CNTNAP5: variants seen among roughly 807,000 people sequenced by gnomAD.
CNTNAP5 encodes the protein contactin associated protein family member 5, also known as contactin-associated protein-like 5.
CNTNAP5 carries 72 observed loss-of-function variants against 150.2 expected under a neutral mutation model. The ratio of observed to expected loss-of-function variants is 0.48; its 90% CI spans 0.40 to 0.58. CNTNAP5 has a LOEUF of 0.58. Ranked by LOEUF, CNTNAP5 falls within the 20% of genes least tolerant of loss-of-function variation. The pLI, the probability that CNTNAP5 is intolerant of heterozygous loss-of-function variation, is 0.00. For missense variants in CNTNAP5, 1,636 were observed against 1,626.2 expected (o/e 1.01, Z -0.10); for synonymous variants, 672 against 619.8 (o/e 1.08, Z -1.25).
chr2:124,114,351 A>C (rs1330995093), intron 1 of CNTNAP5, among the ~76,000 whole-genome samples: 1 of 151,970 alleles, frequency 6.6e-6, no homozygotes, highest in Non-Finnish European at 1.5e-5. Context: ...CTCTAGTTAC[A>C]TTTATTCTTA....
At chr2:124,695,268 C>T (rs1190563281) in intron 13 of CNTNAP5, among the ~76,000 whole-genome samples, 1 of 152,098 alleles carries the variant, frequency 6.6e-6, no homozygotes, top group East Asian at 1.9e-4. Flanking sequence ...CTTGCAGTTA[C>T]AATAGATATA....
chr2:124,340,149 G>A lies in CNTNAP5; in HGVS notation c.382-77294G>A, dbSNP rs1689575115. Among the ~76,000 whole-genome samples the A allele has an allele frequency of 5.3e-5, 8 of 152,094 alleles. No individual in the cohort carries two copies. In the South Asian group the frequency reaches 1.7e-3, roughly 32 times the overall value. On this transcript the variant is annotated intron_variant, in intron 3 of 23. Coordinates refer to ENST00000682447, the MANE Select transcript of CNTNAP5 (RefSeq NM_001367498.1). ...TATTTTTACAAAGGGAGATTAGTCT[G>A]GGGAAGGGCTATTATCAGCCTTGTT...
chr2:124,190,393 G>A (rs762158515), intron 1 of CNTNAP5, among the ~76,000 whole-genome samples: 1 of 152,242 alleles, frequency 6.6e-6, no homozygotes, highest in South Asian at 2.1e-4. Flanking sequence ...ATGAGTGCGT[G>A]AGTTTCCACT....
chr2:124,889,940 G>C (rs1678158695), intron 21 of CNTNAP5, among the ~76,000 whole-genome samples: 1 of 152,044 alleles, frequency 6.6e-6, no homozygotes, highest in Non-Finnish European at 1.5e-5. Flanking sequence ...CTGAGTTTTA[G>C]TCAACTGGCA....
At chr2:124,403,034 C>A (rs573230061) in intron 3 of CNTNAP5, among the ~76,000 whole-genome samples, 20 of 152,272 alleles carry the variant, frequency 1.3e-4, no homozygotes, top group Middle Eastern at 3.4e-3. Flanking sequence ...TACCCTTTGC[C>A]TTATTAAATG....
intron 19 of CNTNAP5, among the ~76,000 whole-genome samples, chr2:124,831,561 A>T (rs1276374561): frequency 1.3e-5 from 2 of 150,506 alleles, no homozygotes. Flanking sequence ...TATATATTAA[A>T]ATATTTTAAA....
intron 3 of CNTNAP5, among the ~76,000 whole-genome samples, chr2:124,293,648 G>A (rs569881059): frequency 6.6e-5 from 10 of 152,028 alleles, no homozygotes; most frequent in African/African-American, 1.9e-4. Context: ...GGTATTGGCC[G>A]TGTTCTATGC....
chr2:124,185,915 T>C lies in CNTNAP5; in HGVS notation c.83-35790T>C, dbSNP rs375404456. Among the ~76,000 whole-genome samples, 4 of 152,368 alleles carry C rather than the reference T, an allele frequency of 2.6e-5. No homozygotes were observed. In the South Asian group the frequency reaches 6.2e-4, roughly 24 times the overall value. ...CTAACTAATGAGCAGTTGCTTTATG[T>C]TAATGGATATATTCAAATATTTGTT... On this transcript the variant is annotated intron_variant, in intron 1 of 23. Coordinates refer to ENST00000682447, the MANE Select transcript of CNTNAP5 (RefSeq NM_001367498.1).
chr2:124,106,588 G>T (rs1683176487), intron 1 of CNTNAP5, among the ~76,000 whole-genome samples: 1 of 152,160 alleles, frequency 6.6e-6, no homozygotes, highest in Admixed American at 6.5e-5. Flanking sequence ...AAGCCATGAA[G>T]ACTCTACCCC....
At chr2:124,499,582 G>C (rs2104858325) in intron 7 of CNTNAP5, among the ~76,000 whole-genome samples, 2 of 152,314 alleles carry the variant, frequency 1.3e-5, no homozygotes, top group East Asian at 3.9e-4. Flanking sequence ...GATGACGAGG[G>C]ACACAATCCA....
intron 2 of CNTNAP5, among the ~76,000 whole-genome samples, chr2:124,229,512 G>A (rs1003872741): frequency 3.4e-4 from 52 of 152,100 alleles, no homozygotes; most frequent in African/African-American, 1.2e-3. Context: ...AAGCAAGGAA[G>A]AGAACTAATT....
intron 1 of CNTNAP5, among the ~76,000 whole-genome samples, chr2:124,166,077 G>T (rs942396709): frequency 9.2e-5 from 14 of 152,204 alleles, no homozygotes; most frequent in African/African-American, 3.4e-4. Context: ...CAGACTTCCA[G>T]ATCCCAGAAT....
intron 1 of CNTNAP5, among the ~76,000 whole-genome samples, chr2:124,032,900 A>G (rs1681102480): frequency 6.6e-6 from 1 of 152,110 alleles, no homozygotes; most frequent in Admixed American, 6.5e-5. Context: ...TAGTCTGTAA[A>G]TTATGCTGGT....
intron 7 of CNTNAP5, among the ~76,000 whole-genome samples, chr2:124,498,774 C>T (rs549863445): frequency 2.0e-5 from 3 of 152,242 alleles, no homozygotes; most frequent in Admixed American, 6.5e-5. Context: ...AAGAAAAAGT[C>T]TTCTAAAATG....
At chr2:124,251,111 T>A (rs1374118336) in intron 3 of CNTNAP5, among the ~76,000 whole-genome samples, 1 of 152,178 alleles carries the variant, frequency 6.6e-6, no homozygotes, top group Non-Finnish European at 1.5e-5. Context: ...TACTGCCTTG[T>A]AACCAAAGGA....
chr2:124,555,952 A>C (rs978692638), intron 10 of CNTNAP5, among the ~76,000 whole-genome samples: 2 of 152,238 alleles, frequency 1.3e-5, no homozygotes, highest in African/African-American at 4.8e-5. Flanking sequence ...ATTTCAAATT[A>C]ATCCATTTGT....
intron 11 of CNTNAP5, among the ~76,000 whole-genome samples, chr2:124,571,192 T>C (rs188552677): frequency 4.6e-5 from 7 of 152,262 alleles, no homozygotes; most frequent in African/African-American, 1.7e-4. Flanking sequence ...GGGCACAGTA[T>C]TTGCCTGGAA....
intron 10 of CNTNAP5, among the ~76,000 whole-genome samples, chr2:124,557,191 C>T (rs1695778064): frequency 6.6e-6 from 1 of 152,108 alleles, no homozygotes; most frequent in African/African-American, 2.4e-5. Context: ...CCTAAGTGGC[C>T]ACTAAAGAAC....
intron 1 of CNTNAP5, among the ~76,000 whole-genome samples, chr2:124,039,572 A>G (rs1302303437): frequency 6.6e-6 from 1 of 152,202 alleles, no homozygotes; most frequent in African/African-American, 2.4e-5. Context: ...ATGAAAGTAT[A>G]CAAATTAAAT....
Sources: gnomAD v4.1 joint callset for allele counts (sites outside exome capture counted in the v4.1 genomes callset) on GRCh38, gnomAD v4.1.1 for gene constraint, MANE v1.5 for transcripts, NCBI Gene and HGNC (gene_info 2026-07-23, HGNC 2026-07-21) for gene names.